The following SORCS1 variants were observed in gnomAD, a reference collection of about 807,000 sequenced individuals.
SORCS1 encodes sortilin related VPS10 domain containing receptor 1.
In SORCS1, 60 loss-of-function variants were observed where a neutral mutation model predicts 146.1. The observed-to-expected ratio is 0.41, with a 90% confidence interval of 0.33 to 0.51. SORCS1 has a LOEUF of 0.51. SORCS1 is among the 20% of genes least tolerant of loss of function. The probability of loss-of-function intolerance (pLI) is 0.21; values close to 1 mark genes in which losing one functional copy is unlikely to be tolerated. For missense variants in SORCS1, 1,352 were observed against 1,487.6 expected, an observed-to-expected ratio of 0.91 and a Z score of 1.50; for synonymous variants, 637 against 584.0, an observed-to-expected ratio of 1.09 and a Z score of -1.31.
At chr10:106,844,694 T>C (rs1466639286) in intron 2 of SORCS1, among the ~76,000 whole-genome samples, 1 of 147,492 alleles carries the variant, frequency 6.8e-6, no homozygotes, top group African/African-American at 2.5e-5. Flanking sequence ...ACTCGTCATC[T>C]AGCATTAGGT....
intron 1 of SORCS1, among the ~76,000 whole-genome samples, chr10:107,132,216 T>G (rs574925844): frequency 3.3e-5 from 5 of 152,188 alleles, no homozygotes; most frequent in African/African-American, 1.2e-4. Context: ...ACAGTCAGGT[T>G]TTATAAACTC....
At chr10:106,634,831 A>G (rs1181219440) in intron 18 of SORCS1, among the ~76,000 whole-genome samples, 1 of 152,248 alleles carries the variant, frequency 6.6e-6, no homozygotes, top group Non-Finnish European at 1.5e-5. Context: ...TGTATAATTA[A>G]TTGAAAAATA....
chr10:107,088,528 C>T (rs146077224), intron 1 of SORCS1, among the ~76,000 whole-genome samples: 240 of 152,276 alleles, frequency 1.6e-3, no homozygotes, highest in African/African-American at 5.6e-3. Context: ...GGGGAAATAA[C>T]GCAAATGGAT....
At chr10:107,106,573 G>A (rs763933465) in intron 1 of SORCS1, among the ~76,000 whole-genome samples, 17 of 152,122 alleles carry the variant, frequency 1.1e-4, no homozygotes, top group Non-Finnish European at 2.1e-4. Context: ...TTTGGGGATG[G>A]CTTTTGTAGA....
intron 1 of SORCS1, among the ~76,000 whole-genome samples, chr10:106,989,822 G>A (rs1402721551): frequency 6.6e-6 from 1 of 151,330 alleles, no homozygotes; most frequent in Non-Finnish European, 1.5e-5. Context: ...GAGTGGCTGG[G>A]ACTACAGGCG....
chr10:106,621,277 AT>A (rs1210741044), intron 19 of SORCS1, among the ~76,000 whole-genome samples: 1 of 152,202 alleles, frequency 6.6e-6, no homozygotes, highest in Non-Finnish European at 1.5e-5. Context: ...TGCCCTCTTC[AT>A]AAAGAACCAC....
At chr10:107,059,993 G>A (rs1308126032) in intron 1 of SORCS1, among the ~76,000 whole-genome samples, 3 of 152,034 alleles carry the variant, frequency 2.0e-5, no homozygotes, top group African/African-American at 7.3e-5. Context: ...ATTATTATGA[G>A]GGTCAAAGAA....
intron 1 of SORCS1, among the ~76,000 whole-genome samples, chr10:106,996,225 TAAAAAA>T (rs376245294): frequency 1.0e-5 from 1 of 99,662 alleles, no homozygotes; most frequent in Non-Finnish European, 2.0e-5. Context: ...AGACTCCATC[TAAAAAA>T]AAAAAAAAAA....
rs149673911 is a variant in SORCS1, at chr10:106,935,240, A to AT, written c.626+21272dup. 8.3e-4 allele frequency among the ~76,000 whole-genome samples: 127 copies of AT among 152,320 alleles called. 1 individual carries two copies. The East Asian group carries it at 0.024, about 29-fold the overall frequency. On this transcript the variant is annotated intron_variant, in intron 2 of 25. Transcript: ENST00000263054. ...TTCAGTTATGTTTCTACCTCTTAGA[A>AT]TGTGCCTAGAGGGTCCTTAAAATAT...
Position 106,833,520 on chromosome 10 carries a change from T to C in SORCS1, c.627-3847A>G, listed in dbSNP as rs191403003. 2.0e-4 allele frequency among the ~76,000 whole-genome samples: 31 copies of C among 152,348 alleles called. 1 individual carries two copies. The highest frequency in any genetic ancestry group is 7.2e-4 in the African/African-American group (30 of 41,592). ...TTCAAACCAGTTGATAAATAGTTACTGCACCAAGTTCTCTGAGTAGTTGTT... is the reference window on the plus strand; with the variant it reads ...TTCAAACCAGTTGATAAATAGTTACCGCACCAAGTTCTCTGAGTAGTTGTT... On this transcript the variant is annotated intron_variant, in intron 2 of 25. Coordinates refer to ENST00000263054, the MANE Select transcript of SORCS1 (RefSeq NM_052918.5).
chr10:107,092,241 T>C (rs1168223164), intron 1 of SORCS1, among the ~76,000 whole-genome samples: 1 of 152,186 alleles, frequency 6.6e-6, no homozygotes, highest in Admixed American at 6.5e-5. Flanking sequence ...TCAAACTGCA[T>C]GATACATCCT....
At chr10:106,850,426 G>T (rs1261136807) in intron 2 of SORCS1, among the ~76,000 whole-genome samples, 1 of 152,100 alleles carries the variant, frequency 6.6e-6, no homozygotes, top group African/African-American at 2.4e-5. Flanking sequence ...GTGAGGCAAT[G>T]CCTCGCCCTG....
At chr10:106,797,008 G>A (rs1946599515) in intron 3 of SORCS1, among the ~76,000 whole-genome samples, 3 of 152,138 alleles carry the variant, frequency 2.0e-5, no homozygotes. Context: ...TCGGGAGGCT[G>A]AGGCAGGAGA....
chr10:107,160,764 C>G (rs1055816035), intron 1 of SORCS1, among the ~76,000 whole-genome samples: 3 of 152,178 alleles, frequency 2.0e-5, no homozygotes, highest in African/African-American at 7.2e-5. Flanking sequence ...TTACTACCTA[C>G]AAAGGATTTT....
At chr10:106,938,487 A>G (rs1953866465) in intron 2 of SORCS1, among the ~76,000 whole-genome samples, 1 of 152,232 alleles carries the variant, frequency 6.6e-6, no homozygotes. Context: ...TAGTATAGCT[A>G]AGCTAATCAG....
chr10:107,048,259 A>G (rs1172670933), intron 1 of SORCS1, among the ~76,000 whole-genome samples: 1 of 152,238 alleles, frequency 6.6e-6, no homozygotes, highest in Non-Finnish European at 1.5e-5. Context: ...AGTGCATTAC[A>G]GAGAGTGAGC....
chr10:106,935,708 A>G (rs571319237), intron 2 of SORCS1, among the ~76,000 whole-genome samples: 2 of 152,338 alleles, frequency 1.3e-5, no homozygotes, highest in South Asian at 4.1e-4. Context: ...CTATGAAATA[A>G]AACAATTTGC....
At chr10:106,958,572 T>A (rs556934665) in intron 1 of SORCS1, among the ~76,000 whole-genome samples, 1 of 152,194 alleles carries the variant, frequency 6.6e-6, no homozygotes, top group East Asian at 1.9e-4. Context: ...GAAAAAAAAA[T>A]TACAGTAACT....
rs1372693761 is a variant in SORCS1 at position 106,843,767 on chromosome 10, C to CTACTGTA, written c.627-14101_627-14095dup. On this transcript the variant is annotated intron_variant, in intron 2 of 25. Coordinates refer to ENST00000263054, the MANE Select transcript of SORCS1 (RefSeq NM_052918.5). ...CCTTTTTCTAAGGTTGAATCATATTCTACTGTATATATAATACATTTTCTT... is the reference window on the plus strand; with the variant it reads ...CCTTTTTCTAAGGTTGAATCATATTCTACTGTATACTGTATATATAATACATTTTCTT... 3.3e-5 allele frequency among the ~76,000 whole-genome samples: 5 copies of CTACTGTA among 152,254 alleles called. No homozygotes were observed. In the South Asian group the frequency reaches 1.0e-3, roughly 32 times the overall value.
Sources: allele counts gnomAD v4.1 joint callset (sites outside exome capture counted in the v4.1 genomes callset), GRCh38; gene constraint gnomAD v4.1.1; transcripts MANE v1.5; gene names NCBI Gene and HGNC (gene_info 2026-07-23, HGNC 2026-07-21).